Variants in AQR observed in about 807,000 individuals in gnomAD.
The protein encoded by AQR is RNA helicase aquarius.
A neutral mutation model predicts 180.5 loss-of-function variants in AQR; 61 were observed. The observed-to-expected ratio is 0.34, with a 90% CI of 0.28 to 0.42. The LOEUF (loss-of-function observed/expected upper bound fraction) is 0.42, where lower values mean the gene tolerates loss of function less well. Ranked by LOEUF, AQR falls within the 10% of genes least tolerant of loss-of-function variation. The probability of loss-of-function intolerance (pLI) is 1.00; values close to 1 mark genes in which losing one functional copy is unlikely to be tolerated. For synonymous variants in AQR, 551 were observed against 588.8 expected (o/e 0.94, Z 0.93); for missense variants, 1,281 against 1,798.3 (o/e 0.71, Z 5.20).
At chr15:34,957,410 G>C (rs1894336214) in intron 3 of AQR, among the ~76,000 whole-genome samples, 1 of 151,916 alleles carries the variant, frequency 6.6e-6, no homozygotes, top group Admixed American at 6.6e-5. Context: ...AGTGTACTTG[G>C]AAATAAAAAA....
intron 34 of AQR, among the ~76,000 whole-genome samples, chr15:34,858,734 G>A (rs1595778330): frequency 1.3e-5 from 2 of 152,272 alleles, no homozygotes; most frequent in East Asian, 3.9e-4. Context: ...TCATGGCAAA[G>A]GGACGGATAT....
At chr15:34,867,852 T>A in intron 31 of AQR, 1 of 334,978 alleles carries the variant, frequency 3.0e-6, no homozygotes, top group Non-Finnish European at 5.4e-6. Context: ...TGCTGATAAC[T>A]AAATAACTAT....
intron 2 of AQR, among the ~76,000 whole-genome samples, chr15:34,962,713 G>A (rs2050287088): frequency 6.6e-6 from 1 of 151,454 alleles, no homozygotes; most frequent in Admixed American, 6.6e-5. Flanking sequence ...AGGCTGCAGT[G>A]AGCCAGAATC....
At chr15:34,922,410 T>C (rs143823281) in intron 13 of AQR, among the ~76,000 whole-genome samples, 1 of 152,322 alleles carries the variant, frequency 6.6e-6, no homozygotes, top group East Asian at 1.9e-4. Context: ...TGGATCATAA[T>C]GTTAAGTTCA....
At chr15:34,942,207 T>C in intron 6 of AQR, 127 bp from the exon 7 acceptor site, 1 of 511,404 alleles carries the variant, frequency 2.0e-6, no homozygotes, top group Non-Finnish European at 3.2e-6. Flanking sequence ...TTCAAGTTAA[T>C]ATTTTGATAT....
chr15:34,930,726 C>G (rs1425882807), intron 11 of AQR, among the ~76,000 whole-genome samples: 1 of 151,354 alleles, frequency 6.6e-6, no homozygotes, highest in Non-Finnish European at 1.5e-5. Context: ...TCACTGAAAA[C>G]TTACAAAGCT....
intron 11 of AQR, among the ~76,000 whole-genome samples, chr15:34,930,979 G>C (rs1279041300): frequency 6.6e-6 from 1 of 151,998 alleles, no homozygotes; most frequent in Non-Finnish European, 1.5e-5. Context: ...TGGGACTACA[G>C]GCGCCCACCA....
Position 34,948,354 on chromosome 15 carries a change from A to T in AQR, c.240T>A (p.Asn80Lys). ...CCTTGCTAGATACCTCAGGAGAATAATTCATCCAGAGATAATTTTCAAGAT... is the reference window on the plus strand; with the variant it reads ...CCTTGCTAGATACCTCAGGAGAATATTTCATCCAGAGATAATTTTCAAGAT... ...SQYLENYLWMNYSPEVSSKAY... is the reference protein window; with the variant it reads ...SQYLENYLWMKYSPEVSSKAY... The change falls in exon 5 of 35, where the codon AAT (asparagine) becomes AAA (lysine). Residue 80 changes from asparagine (N) to lysine (K), a missense_variant. Around this residue, in one of 9 missense-constraint regions of AQR, gnomAD observed 404 missense variants for 490.9 expected, o/e 0.82. Transcript: ENST00000156471. 1 of 1,613,094 alleles carries T rather than the reference A, an allele frequency of 6.2e-7. No individual in the cohort carries two copies. Among genetic ancestry groups the T allele is most frequent in the Non-Finnish European group, 8.5e-7 (1 of 1,179,898 alleles).
intron 17 of AQR, among the ~76,000 whole-genome samples, chr15:34,908,921 G>A (rs1342247898): frequency 6.6e-6 from 1 of 152,136 alleles, no homozygotes; most frequent in Non-Finnish European, 1.5e-5. Context: ...ATAAATATGA[G>A]ACCTTCTCCA....
Position 34,859,979 on chromosome 15 carries a change from T to C in AQR, c.4143+63A>G, listed in dbSNP as rs750705878. On this transcript the variant is annotated intron_variant, in intron 34 of 34. Coordinates refer to ENST00000156471, the MANE Select transcript of AQR (RefSeq NM_014691.3). ...AGGAATTAGGTACTTTAAAGATTTATTCTGAAAAAAAGAAAATTATTTCTA... is the reference window on the plus strand; with the variant it reads ...AGGAATTAGGTACTTTAAAGATTTACTCTGAAAAAAAGAAAATTATTTCTA... 2.4e-5 allele frequency: 20 copies of C among 828,392 alleles called. No individual in the cohort carries two copies. The Admixed American group carries it at 4.7e-4, about 20-fold the overall frequency. 51.3% of individuals were successfully genotyped at this position (828,392 alleles called of 1,614,324 possible). A position where few individuals can be genotyped will look rare whatever the true frequency, so the allele number is the denominator to read the frequency against.
At chr15:34,899,231 G>A (rs970841696) in intron 20 of AQR, among the ~76,000 whole-genome samples, 6 of 152,064 alleles carry the variant, frequency 3.9e-5, no homozygotes, top group Non-Finnish European at 8.8e-5. Context: ...GATATAGCAG[G>A]AGTTTTATGG....
intron 34 of AQR, among the ~76,000 whole-genome samples, chr15:34,858,958 AC>A (rs1892631091): frequency 6.6e-6 from 1 of 152,308 alleles, no homozygotes; most frequent in Non-Finnish European, 1.5e-5. Context: ...TAAGTATCCA[AC>A]CTAAAACTCT....
intron 3 of AQR, among the ~76,000 whole-genome samples, chr15:34,953,137 T>C (rs1480735648): frequency 1.3e-5 from 2 of 152,232 alleles, no homozygotes; most frequent in Non-Finnish European, 1.5e-5. Context: ...GCTAGAGTCA[T>C]GCCTTCCTAA....
rs1251245557 is a variant in AQR, at chr15:34,910,247, G to C, written c.1551C>G (p.Phe517Leu). 1 of 1,614,206 alleles carries C rather than the reference G, an allele frequency of 6.2e-7. No individual in the cohort carries two copies. The highest frequency in any genetic ancestry group is 2.2e-5 in the East Asian group (1 of 44,882). Residue 517 changes from phenylalanine (F) to leucine (L), a missense_variant, in exon 17 of 35, where the codon TTC becomes TTG. This residue lies in a region of AQR where 200 missense variants were observed against 293.4 expected (regional missense o/e 0.68). Coordinates refer to ENST00000156471, the MANE Select transcript of AQR (RefSeq NM_014691.3). ...WARMAQPIVA[F>L]TVVEVAKPNI... ...TGGGTTTGGCCACTTCAACGACAGT[G>C]AAAGCCACAATGGGCTGGGCCATTC...
chr15:34,946,027 T>G (rs1334280992), intron 5 of AQR, among the ~76,000 whole-genome samples: 3 of 152,066 alleles, frequency 2.0e-5, no homozygotes, highest in Middle Eastern at 3.2e-3. Flanking sequence ...TCCCAGCACT[T>G]TGGGAGGCCG....
intron 31 of AQR, chr15:34,868,487 C>T (rs538428614): frequency 6.6e-5 from 10 of 151,992 alleles, no homozygotes; most frequent in African/African-American, 2.4e-4. Flanking sequence ...AATTTATAGT[C>T]TCTCTATCTT....
At chr15:34,924,572 C>T (rs1188244363) in intron 13 of AQR, among the ~76,000 whole-genome samples, 1 of 152,018 alleles carries the variant, frequency 6.6e-6, no homozygotes, top group African/African-American at 2.4e-5. Flanking sequence ...GCTGGGATTA[C>T]AGGCGTGCAC....
Position 34,856,111 on chromosome 15 carries a change from T to C in AQR, c.*681A>G, listed in dbSNP as rs1892582882. 6.5e-6 allele frequency: 1 copy of C among 153,780 alleles called. No homozygotes were observed. The highest frequency in any genetic ancestry group is 1.9e-4 in the East Asian group (1 of 5,260). The allele number at this position is 153,780 out of a possible 1,614,324, so 9.5% of individuals were successfully genotyped here. On this transcript the variant is annotated 3_prime_UTR_variant, in exon 35 of 35. Coordinates refer to ENST00000156471, the MANE Select transcript of AQR (RefSeq NM_014691.3). ...TAACCAGCCTTGGCTGATGCCACTCTGCCAGCAACCCAAACATTAGTGGTG... is the reference window on the plus strand; with the variant it reads ...TAACCAGCCTTGGCTGATGCCACTCCGCCAGCAACCCAAACATTAGTGGTG...
At chr15:34,958,185 C>T (rs780937385) in intron 3 of AQR, among the ~76,000 whole-genome samples, 8 of 151,444 alleles carry the variant, frequency 5.3e-5, no homozygotes, top group Non-Finnish European at 7.4e-5. Flanking sequence ...TCCAGCCTGG[C>T]GACAGAGCAA....
Sources: gnomAD v4.1 joint callset for allele counts (sites outside exome capture counted in the v4.1 genomes callset) on GRCh38, gnomAD v4.1.1 for gene constraint, gnomAD v4.1.1 regional missense constraint, MANE v1.5 for transcripts, NCBI Gene and HGNC (gene_info 2026-07-23, HGNC 2026-07-21) for gene names.